LIMA1: variants seen among roughly 807,000 people sequenced by gnomAD.
LIMA1 encodes the protein LIM domain and actin binding 1, also known as LIM domain and actin-binding protein 1.
LIMA1 carries 52 observed loss-of-function variants against 62.6 expected under a neutral mutation model. The observed-to-expected ratio is 0.83, with a 90% CI of 0.67 to 1.05. The LOEUF is 1.05. Among genes scored for constraint, LIMA1 ranks in the 50% least tolerant of loss-of-function variants. The pLI is 0.00. For synonymous variants in LIMA1, 302 were observed against 317.8 expected (o/e 0.95, Z 0.53); for missense variants, 780 against 902.2 (o/e 0.86, Z 1.74).
intron 2 of LIMA1, among the ~76,000 whole-genome samples, chr12:50,239,099 C>A (rs543119452): frequency 6.6e-6 from 1 of 152,004 alleles, no homozygotes; most frequent in Admixed American, 6.6e-5. Context: ...GAAAAAGTAA[C>A]GAAAGAAATA....
intron 2 of LIMA1, 90 bp from the exon 3 acceptor site, chr12:50,231,800 G>T (rs1271913397): frequency 1.6e-6 from 2 of 1,249,648 alleles, no homozygotes; most frequent in Non-Finnish European, 2.3e-6. Context: ...GAAGTCTCAC[G>T]CTTATTGCCC....
intron 7 of LIMA1, among the ~76,000 whole-genome samples, chr12:50,200,001 C>G (rs1336755703): frequency 2.6e-5 from 4 of 151,876 alleles, no homozygotes; most frequent in African/African-American, 9.7e-5. Flanking sequence ...TCAAGCGATT[C>G]AACTGTCTCA....
chr12:50,257,102 T>C (rs904494155), intron 1 of LIMA1, among the ~76,000 whole-genome samples: 7 of 152,244 alleles, frequency 4.6e-5, no homozygotes, highest in Non-Finnish European at 7.3e-5. Context: ...CCATTAATTT[T>C]AGCATTCATG....
At chr12:50,219,158 A>G (rs1941401194) in intron 4 of LIMA1, among the ~76,000 whole-genome samples, 1 of 152,128 alleles carries the variant, frequency 6.6e-6, no homozygotes, top group Non-Finnish European at 1.5e-5. Flanking sequence ...TTGAGCTCAG[A>G]CTATAGAATA....
intron 4 of LIMA1, among the ~76,000 whole-genome samples, chr12:50,218,828 G>A (rs758614393): frequency 7.3e-5 from 11 of 150,224 alleles, no homozygotes; most frequent in African/African-American, 9.9e-5. Flanking sequence ...GGTCAAGGCT[G>A]CAGTGAGCCA....
intron 10 of LIMA1, among the ~76,000 whole-genome samples, chr12:50,180,734 A>G (rs535276004): frequency 6.6e-6 from 1 of 152,186 alleles, no homozygotes; most frequent in African/African-American, 2.4e-5. Flanking sequence ...ATCTTTTTAA[A>G]GTTTTTTCCC....
intron 1 of LIMA1, among the ~76,000 whole-genome samples, chr12:50,251,466 C>A (rs748646015): frequency 1.3e-5 from 2 of 151,752 alleles, no homozygotes; most frequent in African/African-American, 4.8e-5. Context: ...ACTAAAAATA[C>A]AAAAATTAGC....
chr12:50,278,705 CAATAT>C (rs1332266934), intron 1 of LIMA1, among the ~76,000 whole-genome samples: 8 of 152,130 alleles, frequency 5.3e-5, no homozygotes, highest in African/African-American at 1.9e-4. Flanking sequence ...TATGCAACCT[CAATAT>C]AATAAATTAT....
At chr12:50,244,591 T>C (rs1466389255) in intron 2 of LIMA1, among the ~76,000 whole-genome samples, 3 of 152,180 alleles carry the variant, frequency 2.0e-5, no homozygotes, top group Non-Finnish European at 4.4e-5. Flanking sequence ...GCACACTGAT[T>C]GTAATTAATG....
At chr12:50,281,390 CCT>C (rs1354009488) in intron 1 of LIMA1, among the ~76,000 whole-genome samples, 2 of 152,082 alleles carry the variant, frequency 1.3e-5, no homozygotes, top group Middle Eastern at 3.2e-3. Flanking sequence ...AAAAGTATCC[CCT>C]GTCACCAAGA....
At chr12:50,247,388 G>A (rs1941865085) in intron 2 of LIMA1, among the ~76,000 whole-genome samples, 1 of 151,654 alleles carries the variant, frequency 6.6e-6, no homozygotes, top group African/African-American at 2.4e-5. Context: ...CCTGGGAACT[G>A]AGCCACCAAG....
At chr12:50,254,027 CAAAAAAAA>C (rs376086760) in intron 1 of LIMA1, among the ~76,000 whole-genome samples, 1 of 93,808 alleles carries the variant, frequency 1.1e-5, no homozygotes, top group Non-Finnish European at 2.1e-5. Context: ...GACTCTGTCT[CAAAAAAAA>C]AAAAAAAAAA....
Position 50,192,602 on chromosome 12 carries a change from T to C in LIMA1, c.1031-41A>G, listed in dbSNP as rs775161801. On this transcript the variant is annotated intron_variant, in intron 8 of 10. Transcript: ENST00000341247. ...AAGGAAGACATTTTACAGTATCTCATGGAATGTCTTGGAAAGTGTTCTTCC... is the reference window on the plus strand; with the variant it reads ...AAGGAAGACATTTTACAGTATCTCACGGAATGTCTTGGAAAGTGTTCTTCC... 7.6e-6 allele frequency: 11 copies of C among 1,440,162 alleles called. No homozygotes were observed. The South Asian group carries it at 1.1e-4, about 15-fold the overall frequency. 89.2% of individuals were successfully genotyped at this position (1,440,162 alleles called of 1,614,324 possible). A position where few individuals can be genotyped will look rare whatever the true frequency, so the allele number is the denominator to read the frequency against.
intron 4 of LIMA1, among the ~76,000 whole-genome samples, chr12:50,210,293 C>T (rs750070443): frequency 1.3e-4 from 19 of 151,796 alleles, no homozygotes; most frequent in African/African-American, 2.9e-4. Flanking sequence ...CATGGTGGCA[C>T]GTGCCTGTAA....
intron 6 of LIMA1, chr12:50,201,370 T>G: frequency 1.0e-6 from 1 of 984,170 alleles, no homozygotes; most frequent in Non-Finnish European, 1.2e-6. Context: ...AAACTGAAAT[T>G]ATATTTAATG....
rs1276979085 is a variant in LIMA1 at position 50,179,744 on chromosome 12, G to T, written c.1275-1675C>A. On this transcript the variant is annotated intron_variant, in intron 10 of 10. Transcript: ENST00000341247. Reference sequence around the variant, plus strand: ...GAGCAACTGCACCCAGCCATTTTTTGTTGTTTTTTTTTTTGAGTGGAGGTC... The same window carrying T: ...GAGCAACTGCACCCAGCCATTTTTTTTTGTTTTTTTTTTTGAGTGGAGGTC... 4.2e-5 allele frequency among the ~76,000 whole-genome samples: 6 copies of T among 141,726 alleles called. 1 individual carries two copies. Among genetic ancestry groups the T allele is most frequent in the Admixed American group, 4.2e-4 (6 of 14,184 alleles). The allele number at this position is 141,726 out of a possible 152,430, so 93.0% of individuals were successfully genotyped here. A position where few individuals can be genotyped will look rare whatever the true frequency, so the allele number is the denominator to read the frequency against.
At chr12:50,183,563 C>T (rs1940554536) in intron 9 of LIMA1, among the ~76,000 whole-genome samples, 1 of 151,980 alleles carries the variant, frequency 6.6e-6, no homozygotes, top group Admixed American at 6.6e-5. Context: ...CCCATAATCC[C>T]ACACTTTGGG....
chr12:50,216,759 G>A (rs1214787232), intron 4 of LIMA1, among the ~76,000 whole-genome samples: 1 of 152,024 alleles, frequency 6.6e-6, no homozygotes, highest in Non-Finnish European at 1.5e-5. Context: ...AGCTACTCGG[G>A]GGCTAAGGCA....
intron 2 of LIMA1, among the ~76,000 whole-genome samples, chr12:50,246,468 C>T (rs1028705017): frequency 1.3e-5 from 2 of 152,008 alleles, no homozygotes; most frequent in African/African-American, 2.4e-5. Context: ...CCCTTGACCC[C>T]CAACAGCTTT....
Sources: allele counts gnomAD v4.1 joint callset (sites outside exome capture counted in the v4.1 genomes callset), GRCh38; gene constraint gnomAD v4.1.1; transcripts MANE v1.5; gene names NCBI Gene and HGNC (gene_info 2026-07-23, HGNC 2026-07-21).